TENM1: variants seen among roughly 807,000 people sequenced by gnomAD.
TENM1 encodes teneurin-1.
In TENM1, 35 loss-of-function variants were observed where a neutral mutation model predicts 174.8. The observed-to-expected ratio is 0.20, with a 90% CI of 0.15 to 0.27. The LOEUF is 0.27. Among genes scored for constraint, TENM1 ranks in the 10% least tolerant of loss-of-function variants. TENM1 has a pLI of 1.00. For synonymous variants in TENM1, 781 were observed against 798.7 expected (o/e 0.98, Z 0.37); for missense variants, 1,633 against 2,130.1 (o/e 0.77, Z 4.59).
At chrX:125,094,100 G>A in the TENM1 span, among the ~76,000 whole-genome samples, 1 of 112,136 alleles carries the variant, frequency 8.9e-6, no homozygotes, top group Admixed American at 9.4e-5. Flanking sequence ...TCAAATTCAC[G>A]TCCCCCTCAG....
chrX:124,989,709 G>C, the TENM1 span, among the ~76,000 whole-genome samples: 1 of 107,089 alleles, frequency 9.3e-6, no homozygotes, highest in African/African-American at 3.6e-5. Flanking sequence ...TCAAAAAGAA[G>C]TCTTCTGCAG....
At chrX:124,762,467 T>C (rs5958580) in intron 3 of TENM1, among the ~76,000 whole-genome samples, 1 of 111,795 alleles carries the variant, frequency 8.9e-6, no homozygotes, top group Admixed American at 9.5e-5. Flanking sequence ...ATACTTTGCA[T>C]CTTACACTAT....
At chrX:124,703,425 G>A (rs2052821707) in intron 5 of TENM1, among the ~76,000 whole-genome samples, 1 of 111,638 alleles carries the variant, frequency 9.0e-6, no homozygotes, top group African/African-American at 3.3e-5. Context: ...ATTTTGATAT[G>A]GGAGTGGCCA....
rs926891075 is a variant in TENM1, at chrX:124,765,924, G to A, written c.536-28727C>T. ...CATACATCTGGTGTGACTAGATACC[G>A]TCACGGAAATTATTTTTAACAGTGA... On this transcript the variant is annotated intron_variant, in intron 3 of 31. Transcript: ENST00000422452. Among the ~76,000 whole-genome samples the A allele has an allele frequency of 9.9e-5, 11 of 111,670 alleles. No homozygotes were observed. In the Admixed American group the frequency reaches 1.1e-3, roughly 11 times the overall value.
intron 5 of TENM1, among the ~76,000 whole-genome samples, chrX:124,688,182 T>C (rs189417918): frequency 1.3e-3 from 138 of 106,997 alleles, no homozygotes; most frequent in Non-Finnish European, 2.1e-3. Context: ...TAATAATGTA[T>C]ACTTCAAGAT....
chrX:124,505,794 C>T (rs374851177), intron 18 of TENM1, among the ~76,000 whole-genome samples: 27 of 111,749 alleles, frequency 2.4e-4, no homozygotes, highest in African/African-American at 8.8e-4. Context: ...AGTTCACTGA[C>T]TTTCTGAAGT....
At chrX:125,202,774 A>T in the TENM1 span, among the ~76,000 whole-genome samples, 1 of 110,645 alleles carries the variant, frequency 9.0e-6, no homozygotes, top group Admixed American at 9.6e-5. Context: ...GTTTAAATAC[A>T]CTCCTGACTG....
intron 11 of TENM1, among the ~76,000 whole-genome samples, chrX:124,584,707 G>T (rs924372469): frequency 1.8e-5 from 2 of 111,080 alleles, no homozygotes; most frequent in African/African-American, 6.6e-5. Context: ...AATGTAAATG[G>T]GCTAAATGCT....
chrX:124,692,096 T>C (rs2052539082), intron 5 of TENM1, among the ~76,000 whole-genome samples: 1 of 112,133 alleles, frequency 8.9e-6, no homozygotes. Context: ...TTACCTAATA[T>C]TTGCTCAAAT....
chrX:125,072,344 A>G, the TENM1 span, among the ~76,000 whole-genome samples: 2 of 111,529 alleles, frequency 1.8e-5, no homozygotes, highest in South Asian at 7.4e-4. Context: ...AGAGTCAATA[A>G]AAGCCAGAAT....
intron 3 of TENM1, among the ~76,000 whole-genome samples, chrX:124,796,824 G>GA (rs1365771822): frequency 1.8e-5 from 2 of 110,865 alleles, no homozygotes; most frequent in Non-Finnish European, 3.8e-5. Flanking sequence ...GCCTCTTTAT[G>GA]AAAAAAAGAG....
chrX:125,008,811 A>T, the TENM1 span, among the ~76,000 whole-genome samples: 3 of 111,886 alleles, frequency 2.7e-5, no homozygotes, highest in Non-Finnish European at 3.8e-5. Context: ...TAAGGCAGAA[A>T]TCAAGAAGTT....
At chrX:124,503,474 CT>C in intron 19 of TENM1, 85 bp downstream of exon 22, 1 of 900,590 alleles carries the variant, frequency 1.1e-6, no homozygotes, top group East Asian at 3.2e-5. Context: ...TAATTTTTAT[CT>C]TGTACTTTCC....
the TENM1 span, among the ~76,000 whole-genome samples, chrX:124,971,266 C>A: frequency 9.0e-6 from 1 of 110,542 alleles, no homozygotes; most frequent in Non-Finnish European, 1.9e-5. Context: ...GCACATGTAC[C>A]CTACAACTTA....
intron 1 of TENM1, among the ~76,000 whole-genome samples, chrX:124,924,367 G>A (rs1343668705): frequency 9.0e-6 from 1 of 111,431 alleles, no homozygotes; most frequent in Admixed American, 9.6e-5. Flanking sequence ...TAGGAAGAGG[G>A]TGGCAGGAAC....
At chrX:124,727,877 C>T (rs2053477443) in intron 4 of TENM1, among the ~76,000 whole-genome samples, 1 of 111,870 alleles carries the variant, frequency 8.9e-6, no homozygotes, top group Non-Finnish European at 1.9e-5. Flanking sequence ...GTTCAAAAAA[C>T]TGAAATTCAG....
intron 22 of TENM1, among the ~76,000 whole-genome samples, chrX:124,465,213 C>A (rs2061228214): frequency 8.9e-6 from 1 of 111,986 alleles, no homozygotes; most frequent in Admixed American, 9.5e-5. Flanking sequence ...TCTGAAAGCT[C>A]AACACAAGTG....
At chrX:125,122,259 G>T in the TENM1 span, among the ~76,000 whole-genome samples, 1 of 111,645 alleles carries the variant, frequency 9.0e-6, no homozygotes, top group East Asian at 2.8e-4. Context: ...TTAATATAGA[G>T]ATATTTGGAT....
intron 3 of TENM1, among the ~76,000 whole-genome samples, chrX:124,752,398 T>C (rs2054098297): frequency 8.9e-6 from 1 of 111,945 alleles, no homozygotes; most frequent in Admixed American, 9.5e-5. Flanking sequence ...ATTAGCCCTT[T>C]GTCAGATGAG....
Sources: gnomAD v4.1 joint callset for allele counts (sites outside exome capture counted in the v4.1 genomes callset) on GRCh38, gnomAD v4.1.1 for gene constraint, MANE v1.5 for transcripts, NCBI Gene and HGNC (gene_info 2026-07-23, HGNC 2026-07-21) for gene names.